The following PROM2 variants were observed in gnomAD, a reference collection of about 807,000 sequenced individuals.
The protein encoded by PROM2 is prominin-2.
PROM2 carries 90 observed loss-of-function variants against 110.2 expected under a neutral mutation model. That is an observed-to-expected ratio of 0.82 (90% CI 0.69 to 0.97). The LOEUF is 0.97. PROM2 is among the 50% of genes least tolerant of loss of function. PROM2 has a pLI of 0.00. For missense variants in PROM2, 1,009 were observed against 1,074.8 expected (o/e 0.94, Z 0.86); for synonymous variants, 470 against 467.8 (o/e 1.00, Z -0.06).
chr2:95,286,615 G>C, intron 17 of PROM2, 44 bp downstream of exon 17: 1 of 1,547,608 alleles, frequency 6.5e-7, no homozygotes, highest in Non-Finnish European at 8.9e-7. Flanking sequence ...GGGGAGGGGA[G>C]ACGTGGAGAG....
intron 1 of PROM2, 48 bp downstream of exon 1, chr2:95,274,877 C>T (rs765302602): frequency 6.7e-7 from 1 of 1,494,168 alleles, no homozygotes; most frequent in Non-Finnish European, 8.9e-7. Flanking sequence ...GGGTCCCCAG[C>T]CCGGCTTCCT....
Position 95,274,523 on chromosome 2 carries a change from G to A in PROM2, c.-63G>A, listed in dbSNP as rs1676528035. 6.7e-6 allele frequency: 10 copies of A among 1,495,608 alleles called. No individual in the cohort carries two copies. The highest frequency in any genetic ancestry group is 8.9e-6 in the Non-Finnish European group (10 of 1,120,706). The allele number at this position is 1,495,608 out of a possible 1,614,324, so 92.6% of individuals were successfully genotyped here. The stretch of plus-strand genomic sequence containing the variant: ...AGAGGGACAGAGGCTGGAGAAGGAT[G>A]TATGGCCTGCCCTGGGCTTGTCTGT... On this transcript the variant is annotated 5_prime_UTR_variant, in exon 1 of 24. It removes an upstream start codon present in the reference 5' UTR. Coordinates refer to ENST00000317620, the MANE Select transcript of PROM2 (RefSeq NM_001165978.3).
Position 95,289,237 on chromosome 2 carries a change from T to TG in PROM2, c.*25dup, listed in dbSNP as rs1186573982. Reference sequence around the variant, plus strand: ...AATCCCTGACAGGGTGAGGTGACCCTGAGGCTGCCTGTCCTCCCCTTTGAT... The same window carrying TG: ...AATCCCTGACAGGGTGAGGTGACCCTGGAGGCTGCCTGTCCTCCCCTTTGAT... On this transcript the variant is annotated 3_prime_UTR_variant, in exon 24 of 24. Coordinates refer to ENST00000317620, the MANE Select transcript of PROM2 (RefSeq NM_001165978.3). 3 of 564,968 alleles carry TG rather than the reference T, an allele frequency of 5.3e-6. No individual in the cohort carries two copies. The highest frequency in any genetic ancestry group is 9.5e-6 in the Non-Finnish European group (3 of 314,492). 35.0% of individuals were successfully genotyped at this position (564,968 alleles called of 1,614,324 possible).
At position 95,287,132 on chromosome 2, in the gene PROM2, G is replaced by C; in HGVS notation, c.2095-1G>C. 2.5e-6 allele frequency: 4 copies of C among 1,613,838 alleles called. 1 individual carries two copies. The highest frequency in any genetic ancestry group is 3.4e-6 in the Non-Finnish European group (4 of 1,179,898). On this transcript the variant is annotated splice_acceptor_variant, in intron 18 of 23. Transcript: ENST00000317620. LOFTEE classifies it high-confidence loss of function. ...TGAGTTGAGGCTCTCGTCCCCTCCAGCTGGAGACCTCAGATGTCCTAGCCA... is the reference window on the plus strand; with the variant it reads ...TGAGTTGAGGCTCTCGTCCCCTCCACCTGGAGACCTCAGATGTCCTAGCCA...
intron 11 of PROM2, 141 bp from the exon 12 acceptor site, chr2:95,281,101 C>A (rs1408644411): frequency 1.7e-6 from 2 of 1,169,850 alleles, no homozygotes; most frequent in African/African-American, 1.5e-5. Context: ...AGGCCAAGTC[C>A]TCCAAGCTCC....
chr2:95,282,373 A>G (rs1651155402), intron 14 of PROM2, 147 bp downstream of exon 14: 4 of 714,746 alleles, frequency 5.6e-6, no homozygotes, highest in Admixed American at 2.3e-5. Flanking sequence ...GCAGAGGCCC[A>G]GTTATCAGCT....
At chr2:95,277,117 C>A in intron 6 of PROM2, 56 bp downstream of exon 6, 2 of 1,446,426 alleles carry the variant, frequency 1.4e-6, no homozygotes, top group South Asian at 1.3e-5. Context: ...CCTCCTGGGG[C>A]GATCCCACCT....
In PROM2 at chr2:95,275,691, T is replaced by G. The variant is rs988336679; in HGVS notation, c.294+181T>G. ...CGTAGACCTGGGTGCAAACCACAGC[T>G]CTGCCATTTACTGGCAGTGAGGTTT... is the stretch of plus-strand genomic sequence containing the variant. On this transcript the variant is annotated intron_variant, in intron 2 of 23. Coordinates refer to ENST00000317620, the MANE Select transcript of PROM2 (RefSeq NM_001165978.3). The surrounding 1 kb of genome is among the most constrained non-coding windows in gnomAD (Gnocchi z 4.4). 1.3e-5 allele frequency among the ~76,000 whole-genome samples: 2 copies of G among 152,194 alleles called. No homozygotes were observed. Among genetic ancestry groups the G allele is most frequent in the African/African-American group, 4.8e-5 (2 of 41,446 alleles).
rs1265198797 is a variant in PROM2, at chr2:95,276,394, G to GC, written c.618+50dup. 3 of 1,606,780 alleles carry GC rather than the reference G, an allele frequency of 1.9e-6. No individual in the cohort carries two copies. The highest frequency in any genetic ancestry group is 2.6e-6 in the Non-Finnish European group (3 of 1,176,292). ...CCTCATGTGCCCCTGTGAGCACTGG[G>GC]CCCGGGCAGGACAGAGCCGAGTGGG... On this transcript the variant is annotated intron_variant, in intron 4 of 23. Transcript: ENST00000317620. The surrounding 1 kb of genome is among the most constrained non-coding windows in gnomAD (Gnocchi z 4.6).
chr2:95,287,299 G>A, intron 19 of PROM2, 86 bp downstream of exon 19: 2 of 1,562,754 alleles, frequency 1.3e-6, no homozygotes, highest in Non-Finnish European at 1.8e-6. Flanking sequence ...GGAAAGCTGG[G>A]CCTGTCCTCA....
In PROM2 at chr2:95,286,506, C is replaced by T; in HGVS notation, c.1975C>T (p.Gln659Ter). Reference protein sequence around the residue: ...QDNSVLGQRLQEEAQGLRNLH... With the variant: ...QDNSVLGQRL ...CAATTCTGTGCTGGGGCAGCGGCTG[C>T]AGGAGGAGGCCCAAGGACTCAGAAA... is the stretch of plus-strand genomic sequence containing the variant. The change falls in exon 17 of 24, where the codon CAG (glutamine) becomes TAG (stop). Residue 659 changes from glutamine (Q) to a stop codon, truncating the protein, a stop_gained. Coordinates refer to ENST00000317620, the MANE Select transcript of PROM2 (RefSeq NM_001165978.3). LOFTEE classifies it high-confidence loss of function. 6.2e-7 allele frequency: 1 copy of T among 1,613,722 alleles called. No homozygotes were observed. Among genetic ancestry groups the T allele is most frequent in the South Asian group, 1.1e-5 (1 of 91,050 alleles).
intron 14 of PROM2, among the ~76,000 whole-genome samples, chr2:95,282,923 C>A (rs1390213936): frequency 2.0e-5 from 3 of 152,184 alleles, no homozygotes; most frequent in African/African-American, 7.2e-5. Context: ...TGGTTCCCCT[C>A]GCCCTCCCCA....
chr2:95,282,871 C>T (rs1167928980), intron 14 of PROM2, among the ~76,000 whole-genome samples: 10 of 152,304 alleles, frequency 6.6e-5, no homozygotes, highest in South Asian at 4.1e-4. Flanking sequence ...TCGACTTCCA[C>T]GCTCCTAAGC....
At chr2:95,285,766 G>A (rs1677321029) in intron 16 of PROM2, 56 bp downstream of exon 16, 1 of 1,518,058 alleles carries the variant, frequency 6.6e-7, no homozygotes, top group Non-Finnish European at 9.0e-7. Context: ...GGCTTGGGAG[G>A]CGGGAAAGGG....
In PROM2 at chr2:95,275,347, G is replaced by C. The variant is rs1676583473; in HGVS notation, c.245-114G>C. Reference sequence around the variant, plus strand: ...ATGCAGCCTTCTGCGAGGGTGCCATGGTGGTGGCAGGAGCCCTGCCTCAGA... The same window carrying C: ...ATGCAGCCTTCTGCGAGGGTGCCATCGTGGTGGCAGGAGCCCTGCCTCAGA... On this transcript the variant is annotated intron_variant, in intron 1 of 23. Coordinates refer to ENST00000317620, the MANE Select transcript of PROM2 (RefSeq NM_001165978.3). The surrounding 1 kb of genome is among the most constrained non-coding windows in gnomAD (Gnocchi z 4.4). 1 of 957,108 alleles carries C rather than the reference G, an allele frequency of 1.0e-6. No individual in the cohort carries two copies. The highest frequency in any genetic ancestry group is 2.5e-5 in the East Asian group (1 of 40,162). The allele number at this position is 957,108 out of a possible 1,614,324, so 59.3% of individuals were successfully genotyped here.
chr2:95,288,862 G>A (rs989643631), intron 22 of PROM2, 71 bp from the exon 23 acceptor site: 1 of 1,469,750 alleles, frequency 6.8e-7, no homozygotes, highest in Non-Finnish European at 9.5e-7. Context: ...CAGGGCTCTG[G>A]GTTTGTCCCT....
Position 95,276,573 on chromosome 2 carries a change from C to T in PROM2, c.619-21C>T, listed in dbSNP as rs1343191130. ...TGTGGGTGACCAGGAAGGGCAGCCT[C>T]AGGGCCTTGTGTTTGCCTAGGAGCT... On this transcript the variant is annotated intron_variant, in intron 4 of 23. Transcript: ENST00000317620. This position sits in a 1 kb window ranked among gnomAD's most constrained non-coding sequence, Gnocchi z 4.6. 1 of 1,613,984 alleles carries T rather than the reference C, an allele frequency of 6.2e-7. No individual in the cohort carries two copies. The highest frequency in any genetic ancestry group is 8.5e-7 in the Non-Finnish European group (1 of 1,180,008).
chr2:95,275,949 G>T lies in PROM2; in HGVS notation c.314G>T (p.Gly105Val). ...KVNEVVRYEA[G>V]YVVCAVIAGL... Reference sequence around the variant, plus strand: ...GCCCAGGTGGTGCGGTACGAGGCGGGCTACGTGGTATGCGCTGTGATCGCG... The same window carrying T: ...GCCCAGGTGGTGCGGTACGAGGCGGTCTACGTGGTATGCGCTGTGATCGCG... The change falls in exon 3 of 24, where the codon GGC (glycine) becomes GTC (valine). Residue 105 changes from glycine (G) to valine (V), a missense_variant. By Grantham distance (109) the Gly-to-Val change is moderately radical (BLOSUM62 -3). Coordinates refer to ENST00000317620, the MANE Select transcript of PROM2 (RefSeq NM_001165978.3). The surrounding 1 kb of genome is among the most constrained non-coding windows in gnomAD (Gnocchi z 4.4). 6.2e-7 allele frequency: 1 copy of T among 1,611,746 alleles called. No homozygotes were observed.
chr2:95,275,984 C>G lies in PROM2; in HGVS notation c.349C>G (p.Leu117Val). 2 of 1,612,388 alleles carry G rather than the reference C, an allele frequency of 1.2e-6. No individual in the cohort carries two copies. The highest frequency in any genetic ancestry group is 3.3e-5 in the Admixed American group (2 of 59,990). The change falls in exon 3 of 24, where the codon CTG becomes GTG. Residue 117 changes from leucine to valine, a missense_variant. Physicochemically the swap from Leu to Val is conservative, Grantham distance 32 (BLOSUM62 1). Coordinates refer to ENST00000317620, the MANE Select transcript of PROM2 (RefSeq NM_001165978.3). The surrounding 1 kb of genome is among the most constrained non-coding windows in gnomAD (Gnocchi z 4.4). ...VVCAVIAGLY[L>V]LLVPTAGLCF... ...ATGCGCTGTGATCGCGGGCCTCTACCTGCTGCTGGTGCCCACTGCCGGGCT... is the reference window on the plus strand; with the variant it reads ...ATGCGCTGTGATCGCGGGCCTCTACGTGCTGCTGGTGCCCACTGCCGGGCT...
Sources: gnomAD v4.1 joint callset for allele counts (sites outside exome capture counted in the v4.1 genomes callset) on GRCh38, gnomAD v4.1.1 for gene constraint, Gnocchi (gnomAD v3.1) non-coding constraint, MANE v1.5 for transcripts, NCBI Gene and HGNC (gene_info 2026-07-23, HGNC 2026-07-21) for gene names.